Variants in NFIA observed in about 807,000 individuals in gnomAD.
The protein encoded by NFIA is nuclear factor 1 A-type.
Under a neutral mutation model 62.8 loss-of-function variants are expected in NFIA, and 8 were observed. The ratio of observed to expected loss-of-function variants is 0.13; its 90% confidence interval spans 0.07 to 0.23. The LOEUF (loss-of-function observed/expected upper bound fraction) is 0.23, where lower values mean the gene tolerates loss of function less well. Ranked by LOEUF, NFIA falls within the 10% of genes least tolerant of loss-of-function variation. The pLI is 1.00. For synonymous variants in NFIA, 235 were observed against 238.1 expected (o/e 0.99, Z 0.12); for missense variants, 410 against 642.1 (o/e 0.64, Z 3.91).
At chr1:61,120,126 T>C (rs1440699441) in intron 2 of NFIA, among the ~76,000 whole-genome samples, 1 of 152,202 alleles carries the variant, frequency 6.6e-6, no homozygotes, top group Non-Finnish European at 1.5e-5. Context: ...TTGGTTTAAA[T>C]CTTGTGGTGT....
chr1:61,377,292 C>G, intron 6 of NFIA, among the ~76,000 whole-genome samples: 1 of 151,746 alleles, frequency 6.6e-6, no homozygotes. Context: ...ACATAGTGGG[C>G]ACTTCATAAT....
intron 2 of NFIA, among the ~76,000 whole-genome samples, chr1:61,276,938 C>T (rs1657841467): frequency 6.6e-6 from 1 of 152,082 alleles, no homozygotes; most frequent in African/African-American, 2.4e-5. Flanking sequence ...GCAGGGGAAA[C>T]TTGTACCTTC....
chr1:61,414,118 G>C (rs1012239195), intron 9 of NFIA, among the ~76,000 whole-genome samples: 3 of 152,058 alleles, frequency 2.0e-5, no homozygotes, highest in Non-Finnish European at 4.4e-5. Flanking sequence ...GAGTAGCTGG[G>C]ATGACAGGTG....
chr1:61,109,281 G>C (rs1166525737), intron 2 of NFIA, among the ~76,000 whole-genome samples: 1 of 151,820 alleles, frequency 6.6e-6, no homozygotes, highest in Non-Finnish European at 1.5e-5. Context: ...TTCTTAATTG[G>C]TTGATTAATG....
chr1:61,193,485 G>A (rs1651783356), intron 2 of NFIA, among the ~76,000 whole-genome samples: 1 of 152,150 alleles, frequency 6.6e-6, no homozygotes, highest in African/African-American at 2.4e-5. Flanking sequence ...AAGAGAGAGG[G>A]AATAGCTCCT....
chr1:61,368,574 C>A (rs751903816), intron 6 of NFIA, among the ~76,000 whole-genome samples: 3 of 152,174 alleles, frequency 2.0e-5, no homozygotes, highest in Non-Finnish European at 2.9e-5. Flanking sequence ...ACAGCCTTGC[C>A]TTCCTAACTC....
intron 2 of NFIA, among the ~76,000 whole-genome samples, chr1:61,258,774 G>A (rs1375563581): frequency 3.3e-5 from 5 of 151,978 alleles, no homozygotes; most frequent in African/African-American, 1.2e-4. Flanking sequence ...TGCCACCCAG[G>A]CTGGAGTGGG....
At chr1:61,212,279 A>G (rs921228748) in intron 2 of NFIA, among the ~76,000 whole-genome samples, 14 of 152,200 alleles carry the variant, frequency 9.2e-5, no homozygotes, top group Non-Finnish European at 1.5e-4. Context: ...CACCTTTGAG[A>G]CACACTAAAG....
chr1:61,165,795 A>G (rs1305420866), intron 2 of NFIA, among the ~76,000 whole-genome samples: 2 of 152,322 alleles, frequency 1.3e-5, no homozygotes, highest in African/African-American at 4.8e-5. Context: ...TATTACTATG[A>G]TAAGTTTAGG....
chr1:61,249,371 C>T (rs1372693219), intron 2 of NFIA, among the ~76,000 whole-genome samples: 1 of 152,142 alleles, frequency 6.6e-6, no homozygotes, highest in Non-Finnish European at 1.5e-5. Context: ...ATGAAATAAT[C>T]TTACTGTAAG....
chr1:61,168,422 AC>A (rs1301715512), intron 2 of NFIA, among the ~76,000 whole-genome samples: 1 of 152,204 alleles, frequency 6.6e-6, no homozygotes, highest in African/African-American at 2.4e-5. Flanking sequence ...AATAAAAAAT[AC>A]CCTAGTAAAT....
chr1:61,205,156 G>T (rs897658596), intron 2 of NFIA, among the ~76,000 whole-genome samples: 8 of 152,118 alleles, frequency 5.3e-5, no homozygotes, highest in Non-Finnish European at 1.2e-4. Context: ...ACAAAGAAGT[G>T]GATCAGTTTA....
chr1:61,240,200 A>G (rs2100644220), intron 2 of NFIA, among the ~76,000 whole-genome samples: 1 of 152,258 alleles, frequency 6.6e-6, no homozygotes, highest in Middle Eastern at 3.4e-3. Context: ...TTTAAAATTC[A>G]GCTTTCAAGT....
intron 2 of NFIA, among the ~76,000 whole-genome samples, chr1:61,188,374 T>C (rs1651359988): frequency 6.6e-6 from 1 of 152,168 alleles, no homozygotes; most frequent in African/African-American, 2.4e-5. Flanking sequence ...AAAACATCTA[T>C]TGTGTCATGG....
chr1:61,403,319 C>T (rs1665660600), intron 7 of NFIA, among the ~76,000 whole-genome samples: 1 of 152,192 alleles, frequency 6.6e-6, no homozygotes, highest in South Asian at 2.1e-4. Flanking sequence ...AGTTATTAGG[C>T]ACCTCACATA....
At chr1:61,388,576 T>C (rs1238328356) in intron 7 of NFIA, among the ~76,000 whole-genome samples, 1 of 152,214 alleles carries the variant, frequency 6.6e-6, no homozygotes, top group Non-Finnish European at 1.5e-5. Flanking sequence ...TAGTGAATGA[T>C]ACTTTATTTA....
chr1:61,135,544 A>G (rs1268591037), intron 2 of NFIA, among the ~76,000 whole-genome samples: 1 of 152,140 alleles, frequency 6.6e-6, no homozygotes. Flanking sequence ...AGCTGGGACT[A>G]CTGGCATGTG....
intron 2 of NFIA, among the ~76,000 whole-genome samples, chr1:61,136,825 T>G (rs1357192846): frequency 6.6e-6 from 1 of 152,140 alleles, no homozygotes; most frequent in Non-Finnish European, 1.5e-5. Flanking sequence ...CGGTGCACAT[T>G]ACTTCACCTT....
chr1:61,092,784 G>C (rs1373757407), intron 2 of NFIA, among the ~76,000 whole-genome samples: 1 of 152,166 alleles, frequency 6.6e-6, no homozygotes, highest in Non-Finnish European at 1.5e-5. Flanking sequence ...GCCGTGATAT[G>C]CAGATAGACC....
Sources: gnomAD v4.1 joint callset for allele counts (sites outside exome capture counted in the v4.1 genomes callset) on GRCh38, gnomAD v4.1.1 for gene constraint, MANE v1.5 for transcripts, NCBI Gene and HGNC (gene_info 2026-07-23, HGNC 2026-07-21) for gene names.